The following CTDP1 variants were observed in gnomAD, a reference collection of about 807,000 sequenced individuals.
CTDP1 encodes RNA polymerase II subunit A C-terminal domain phosphatase.
In CTDP1, 47 loss-of-function variants were observed where a neutral mutation model predicts 91.8. The ratio of observed to expected loss-of-function variants is 0.51; its 90% CI spans 0.41 to 0.65. CTDP1 has a LOEUF of 0.65. Ranked by LOEUF, CTDP1 falls within the 30% of genes least tolerant of loss-of-function variation. The probability of loss-of-function intolerance (pLI) is 0.00; values close to 1 mark genes in which losing one functional copy is unlikely to be tolerated. For synonymous variants in CTDP1, 656 were observed against 598.5 expected (o/e 1.10, Z -1.40); for missense variants, 1,272 against 1,373.7 (o/e 0.93, Z 1.17).
In CTDP1 at chr18:79,728,331, CTGAAGTGAT is replaced by C. The variant is rs1308253660; in HGVS notation, c.2418-575_2418-567del. 3.4e-4 allele frequency among the ~76,000 whole-genome samples: 52 copies of C among 152,268 alleles called. No individual in the cohort carries two copies. In the East Asian group the frequency reaches 0.01, roughly 29 times the overall value. On this transcript the variant is annotated intron_variant, in intron 10 of 12. Transcript: ENST00000613122. ...GCCAGGCTGGTCTCGAACTCCTCAC[CTGAAGTGAT>C]CCACCTGCCTCGGCCTCCCAAAGTG...
At chr18:79,727,471 G>A (rs1435595536) in intron 10 of CTDP1, among the ~76,000 whole-genome samples, 1 of 152,146 alleles carries the variant, frequency 6.6e-6, no homozygotes, top group Non-Finnish European at 1.5e-5. Context: ...GATGGGAAGC[G>A]CGGCTTTCGC....
chr18:79,701,050 AT>A (rs1342015944), intron 4 of CTDP1, among the ~76,000 whole-genome samples: 2 of 152,188 alleles, frequency 1.3e-5, no homozygotes, highest in African/African-American at 4.8e-5. Flanking sequence ...AGAAAGAGAG[AT>A]TCTTCTAAGA....
chr18:79,729,030 C>CACTCTT lies in CTDP1; in HGVS notation c.2542_2547dup (p.Thr848_Leu849dup). The CACTCTT allele has an allele frequency of 6.2e-7, 1 of 1,613,992 alleles. No homozygotes were observed. Among genetic ancestry groups the CACTCTT allele is most frequent in the Non-Finnish European group, 8.5e-7 (1 of 1,180,046 alleles). On this transcript the variant is annotated inframe_insertion, in exon 11 of 13. Transcript: ENST00000613122. ...GTATGTCTGAGACAATGCCGCTGTACACTCTTTGTAAGGAGGATTTAGAGA... is the reference window on the plus strand; with the variant it reads ...GTATGTCTGAGACAATGCCGCTGTACACTCTTACTCTTTGTAAGGAGGATTTAGAGA...
At chr18:79,699,506 G>A (rs1186156148) in intron 4 of CTDP1, among the ~76,000 whole-genome samples, 3 of 151,638 alleles carry the variant, frequency 2.0e-5, no homozygotes, top group Admixed American at 6.6e-5. Flanking sequence ...TTTGTGATCC[G>A]CCTGCCTCGG....
In CTDP1 at chr18:79,715,424, G is replaced by A. The variant is rs780295853; in HGVS notation, c.1964G>A (p.Arg655Gln). Residue 655 changes from arginine (R) to glutamine (Q), a missense_variant, in exon 8 of 13, where the codon CGG becomes CAG. Around this residue, in one of 3 missense-constraint regions of CTDP1, gnomAD observed 881 missense variants for 911.6 expected, o/e 0.97. Transcript: ENST00000613122. ...HPTNFPIEKT[R>Q]EHYHATALGA... ...ACAAACTTCCCGATAGAGAAGACGC[G>A]GGAGCATTACCACGCCACGGCGCTG... 4.1e-5 allele frequency: 66 copies of A among 1,599,144 alleles called. No individual in the cohort carries two copies. Among genetic ancestry groups the A allele is most frequent in the African/African-American group, 5.4e-5 (4 of 74,680 alleles).
chr18:79,730,772 ACCCG>A (rs1181773682), intron 11 of CTDP1, among the ~76,000 whole-genome samples: 30 of 152,098 alleles, frequency 2.0e-4, no homozygotes, highest in South Asian at 2.1e-4. Context: ...GGCGCCAAGG[ACCCG>A]AGGCCTCTGG....
At chr18:79,701,312 C>A (rs986578356) in intron 4 of CTDP1, among the ~76,000 whole-genome samples, 31 of 151,976 alleles carry the variant, frequency 2.0e-4, no homozygotes, top group Non-Finnish European at 4.3e-4. Context: ...AGATCAAGAC[C>A]ATCCTGGCTA....
chr18:79,680,301 T>C, intron 1 of CTDP1, 40 bp downstream of exon 1: 2 of 1,237,430 alleles, frequency 1.6e-6, no homozygotes, highest in Non-Finnish European at 2.0e-6. Flanking sequence ...GGCGGGCGGC[T>C]CCGGGGAGGG....
chr18:79,724,111 C>T (rs889631848), intron 10 of CTDP1, among the ~76,000 whole-genome samples: 5 of 152,146 alleles, frequency 3.3e-5, no homozygotes, highest in African/African-American at 9.7e-5. Context: ...TTTCTGAGCA[C>T]GAAGATTCGC....
intron 12 of CTDP1, among the ~76,000 whole-genome samples, chr18:79,749,316 C>T (rs1023150318): frequency 2.0e-5 from 3 of 152,144 alleles, no homozygotes; most frequent in South Asian, 2.1e-4. Context: ...CACTTTCGGT[C>T]GGGGCCCCTG....
chr18:79,677,142 T>C (rs1363782075), upstream of CTDP1: 3 of 152,276 alleles, frequency 2.0e-5, no homozygotes, highest in African/African-American at 4.8e-5. Flanking sequence ...TAGGGAATGC[T>C]GATACATATC....
At chr18:79,739,636 A>G (rs1599307401) in intron 12 of CTDP1, among the ~76,000 whole-genome samples, 1 of 152,276 alleles carries the variant, frequency 6.6e-6, no homozygotes, top group Non-Finnish European at 1.5e-5. Context: ...GGCAAGGACC[A>G]GATCAGTACT....
intron 10 of CTDP1, among the ~76,000 whole-genome samples, chr18:79,725,213 T>G (rs1284415488): frequency 6.6e-6 from 1 of 152,180 alleles, no homozygotes; most frequent in Non-Finnish European, 1.5e-5. Flanking sequence ...TATGTTGACG[T>G]TGAGGGGCCT....
intron 12 of CTDP1, among the ~76,000 whole-genome samples, chr18:79,747,911 G>A (rs527444591): frequency 1.3e-5 from 2 of 152,338 alleles, no homozygotes; most frequent in South Asian, 2.1e-4. Context: ...TATCTTTCCG[G>A]TGCCAAATCG....
At chr18:79,691,252 A>G (rs1281086422) in intron 1 of CTDP1, among the ~76,000 whole-genome samples, 3 of 152,206 alleles carry the variant, frequency 2.0e-5, no homozygotes, top group Non-Finnish European at 4.4e-5. Flanking sequence ...GCTTATAGTC[A>G]ACTTTCTTCA....
intron 12 of CTDP1, among the ~76,000 whole-genome samples, chr18:79,740,271 C>A (rs1034702276): frequency 6.6e-6 from 1 of 152,188 alleles, no homozygotes; most frequent in South Asian, 2.1e-4. Flanking sequence ...GACGTGTGGC[C>A]GCGATAGCAG....
At chr18:79,717,457 C>T (rs2086237891) in intron 8 of CTDP1, 78 bp from the exon 9 acceptor site, 1 of 1,595,878 alleles carries the variant, frequency 6.3e-7, no homozygotes, top group Non-Finnish European at 8.5e-7. Flanking sequence ...GGTGAGGGCC[C>T]TGGTGGGTGC....
intron 12 of CTDP1, among the ~76,000 whole-genome samples, chr18:79,739,054 G>A (rs2086722368): frequency 1.3e-5 from 2 of 152,200 alleles, no homozygotes; most frequent in Admixed American, 6.5e-5. Flanking sequence ...CTCTGGGAGG[G>A]TTCCACTGCC....
chr18:79,711,048 C>A lies in CTDP1; in HGVS notation c.863+612C>A, dbSNP rs532779714. On this transcript the variant is annotated intron_variant, in intron 6 of 12. Coordinates refer to ENST00000613122, the MANE Select transcript of CTDP1 (RefSeq NM_004715.5). ...TAGCCCTGTCCTGCCCTGAAACTGC[C>A]CTTGAGCTGGGCTTTTGTGTCTGTG... 7.2e-4 allele frequency among the ~76,000 whole-genome samples: 110 copies of A among 152,200 alleles called. 1 individual carries two copies. In the South Asian group the frequency reaches 0.022, roughly 31 times the overall value.
Sources: gnomAD v4.1 joint callset for allele counts (sites outside exome capture counted in the v4.1 genomes callset) on GRCh38, gnomAD v4.1.1 for gene constraint, gnomAD v4.1.1 regional missense constraint, MANE v1.5 for transcripts, NCBI Gene and HGNC (gene_info 2026-07-23, HGNC 2026-07-21) for gene names.